MACF1: variants seen among roughly 807,000 people sequenced by gnomAD.
MACF1 encodes the protein microtubule actin crosslinking factor 1.
A neutral mutation model predicts 854.8 loss-of-function variants in MACF1; 193 were observed. That is an observed-to-expected ratio of 0.23 (90% CI 0.20 to 0.25). The LOEUF is 0.25. Ranked by LOEUF, MACF1 falls within the 10% of genes least tolerant of loss-of-function variation. The probability of loss-of-function intolerance (pLI) is 1.00; values close to 1 mark genes in which losing one functional copy is unlikely to be tolerated. For missense variants in MACF1, 7,722 were observed against 8,929.1 expected (o/e 0.86, Z 5.45); for synonymous variants, 3,185 against 3,226.7 (o/e 0.99, Z 0.44).
chr1:39,378,352 A>T, intron 52 of MACF1, 109 bp from the exon 53 acceptor site: 1 of 731,614 alleles, frequency 1.4e-6, no homozygotes, highest in East Asian at 2.5e-5. Context: ...TGCTGTGTTA[A>T]CTTCCTGATA....
At chr1:39,255,246 T>C (rs1166754008) in intron 5 of MACF1, among the ~76,000 whole-genome samples, 1 of 152,112 alleles carries the variant, frequency 6.6e-6, no homozygotes, top group South Asian at 2.1e-4. Flanking sequence ...AATCCAGGGA[T>C]TGATGGATGA....
chr1:39,303,473 C>T (rs1404496294), intron 23 of MACF1, among the ~76,000 whole-genome samples: 1 of 151,612 alleles, frequency 6.6e-6, no homozygotes, highest in Non-Finnish European at 1.5e-5. Context: ...ATTGCTTGAC[C>T]AAGGAGGCGG....
At chr1:39,483,099 AAAAAAAAAAAAAAC>A (rs1645044209) in intron 99 of MACF1, among the ~76,000 whole-genome samples, 3 of 148,206 alleles carry the variant, frequency 2.0e-5, no homozygotes, top group Non-Finnish European at 3.0e-5. Flanking sequence ...AAAAAAAAAA[AAAAAAAAAAAAAAC>A]ACCCACACAT....
intron 40 of MACF1, among the ~76,000 whole-genome samples, chr1:39,341,461 C>T (rs1323085107): frequency 1.3e-5 from 2 of 149,822 alleles, no homozygotes; most frequent in African/African-American, 2.5e-5. Flanking sequence ...TTTGGGAGGC[C>T]GAGGCGGGCA....
chr1:39,200,282 C>T (rs1188035218), upstream of MACF1, among the ~76,000 whole-genome samples: 1 of 152,098 alleles, frequency 6.6e-6, no homozygotes, highest in Non-Finnish European at 1.5e-5. Context: ...CTTTTTTAGC[C>T]CCTTTTGGTT....
chr1:39,463,723 T>C (rs1263939482), intron 94 of MACF1, 37 bp downstream of exon 94: 1 of 1,580,068 alleles, frequency 6.3e-7, no homozygotes, highest in Admixed American at 1.7e-5. Context: ...GTTGTGGTGG[T>C]TTCTCATATG....
intron 5 of MACF1, among the ~76,000 whole-genome samples, chr1:39,255,617 C>G (rs1571226826): frequency 6.6e-6 from 1 of 152,220 alleles, no homozygotes; most frequent in African/African-American, 2.4e-5. Context: ...TGTTATTTCT[C>G]TGTTTGCTCC....
intron 57 of MACF1, 74 bp from the exon 58 acceptor site, chr1:39,387,113 C>A: frequency 6.6e-7 from 1 of 1,509,418 alleles, no homozygotes; most frequent in Non-Finnish European, 8.9e-7. Flanking sequence ...AAGATTAGAC[C>A]GTATACTCTC....
Position 39,093,250 on chromosome 1 carries a change from C to G in MACF1, c.220+8812C>G, listed in dbSNP as rs912519604. 2.0e-4 allele frequency among the ~76,000 whole-genome samples: 30 copies of G among 151,062 alleles called. 1 individual carries two copies. Among genetic ancestry groups the G allele is most frequent in the Non-Finnish European group, 4.4e-5 (3 of 67,922 alleles). On this transcript the variant is annotated intron_variant, in intron 2 of 93. Coordinates refer to the MACF1 transcript ENST00000361689. ...TACAACACTGTCTACCTGGAAATAG[C>G]ATCAGATCTCACAGTTTGAGGGTTC...
chr1:39,123,755 G>T (rs1415534019), intron 2 of MACF1, among the ~76,000 whole-genome samples: 4 of 100,342 alleles, frequency 4.0e-5, no homozygotes, highest in African/African-American at 1.2e-4. Flanking sequence ...GCAGAGTCTT[G>T]TTCTGTCACC....
chr1:39,185,540 A>G (rs1326099653), intron 2 of MACF1, among the ~76,000 whole-genome samples: 1 of 152,116 alleles, frequency 6.6e-6, no homozygotes, highest in Non-Finnish European at 1.5e-5. Context: ...AACCCAAGAT[A>G]TATCAGAAGC....
intron 72 of MACF1, among the ~76,000 whole-genome samples, chr1:39,440,334 G>A (rs1644085959): frequency 6.6e-6 from 1 of 151,546 alleles, no homozygotes; most frequent in Admixed American, 6.6e-5. Context: ...CAGAACTCCT[G>A]GGCTCAAGCA....
chr1:39,245,914 T>C (rs559217510), intron 2 of MACF1, among the ~76,000 whole-genome samples: 3 of 152,318 alleles, frequency 2.0e-5, no homozygotes, highest in Non-Finnish European at 4.4e-5. Flanking sequence ...CATTAATTTA[T>C]AATCTGATTT....
rs746852309 is a variant in MACF1, at chr1:39,324,677, A to T, written c.4421A>T (p.Glu1474Val). Residue 1474 changes from glutamate to valine, a missense_variant, in exon 35 of 101, where the codon GAA (glutamate) becomes GTA (valine). Transcript: ENST00000564288. ...TCAGAAGAGCTGACAACAAAGAAAGAACAAGTCTCTGAAGCTATTAAAACA... is the reference window on the plus strand; with the variant it reads ...TCAGAAGAGCTGACAACAAAGAAAGTACAAGTCTCTGAAGCTATTAAAACA... ...VLSEELTTKK[E>V]QVSEAIKTSQ... is the part of the protein sequence containing the mutation. 1 of 1,613,670 alleles carries T rather than the reference A, an allele frequency of 6.2e-7. No individual in the cohort carries two copies. Among genetic ancestry groups the T allele is most frequent in the Non-Finnish European group, 8.5e-7 (1 of 1,179,714 alleles).
chr1:39,381,704 C>G (rs1460087647), intron 55 of MACF1, among the ~76,000 whole-genome samples: 1 of 152,122 alleles, frequency 6.6e-6, no homozygotes, highest in Non-Finnish European at 1.5e-5. Context: ...GTGGCACACG[C>G]CTATAGTCCC....
chr1:39,440,758 G>A (rs2148664351), intron 72 of MACF1, among the ~76,000 whole-genome samples: 1 of 152,030 alleles, frequency 6.6e-6, no homozygotes, highest in African/African-American at 2.4e-5. Context: ...TGAACCTTTG[G>A]TAAATTATTG....
intron 15 of MACF1, among the ~76,000 whole-genome samples, chr1:39,289,364 G>A (rs1645719669): frequency 6.6e-6 from 1 of 152,126 alleles, no homozygotes; most frequent in Non-Finnish European, 1.5e-5. Flanking sequence ...AACAGCATAC[G>A]AGGCTTCCGT....
At position 39,434,452 on chromosome 1, in the gene MACF1, T is replaced by C; in HGVS notation, c.17604T>C (p.Ile5868=). 1 of 1,612,860 alleles carries C rather than the reference T, an allele frequency of 6.2e-7. No individual in the cohort carries two copies. The highest frequency in any genetic ancestry group is 8.5e-7 in the Non-Finnish European group (1 of 1,179,444). The change falls in exon 69 of 101, where the codon ATT becomes ATC. Residue 5868 remains isoleucine, a synonymous_variant. Coordinates refer to ENST00000564288, the MANE Select transcript of MACF1 (RefSeq NM_001394062.1). ...TESLIQQYEA[I]SLLNSERYAR... ...CTCTAATACAGCAATATGAAGCCAT[T>C]AGCCTACTCAATTCAGAGCGTTATG... is the stretch of plus-strand genomic sequence containing the variant.
Position 39,335,657 on chromosome 1 carries a change from T to G in MACF1, c.9069T>G (p.Ser3023Arg). ...GCCAACCTAGGGAAATGACCTCAAG[T>G]GAAAAAGGGAAAGAAGCTGATACAG... ...IKSQPREMTSSEKGKEADTEM... is the reference protein window; with the variant it reads ...IKSQPREMTSREKGKEADTEM... The change falls in exon 37 of 101, where the codon AGT becomes AGG. Residue 3023 changes from serine to arginine, a missense_variant. Transcript: ENST00000564288. 1.9e-6 allele frequency: 3 copies of G among 1,613,918 alleles called. No homozygotes were observed. Among genetic ancestry groups the G allele is most frequent in the Non-Finnish European group, 2.5e-6 (3 of 1,179,952 alleles).
Sources: allele counts gnomAD v4.1 joint callset (sites outside exome capture counted in the v4.1 genomes callset), GRCh38; gene constraint gnomAD v4.1.1; transcripts MANE v1.5; gene names NCBI Gene and HGNC (gene_info 2026-07-23, HGNC 2026-07-21).